NRXN3: variants seen among roughly 807,000 people sequenced by gnomAD.
NRXN3 encodes the protein neurexin 3, also known as neurexin III.
Under a neutral mutation model 137.6 loss-of-function variants are expected in NRXN3, and 32 were observed. The observed-to-expected ratio is 0.23, with a 90% CI of 0.18 to 0.31. The LOEUF is 0.31. Ranked by LOEUF, NRXN3 falls within the 10% of genes least tolerant of loss-of-function variation. The pLI is 1.00. For synonymous variants in NRXN3, 798 were observed against 784.5 expected, an observed-to-expected ratio of 1.02 and a Z score of -0.29; for missense variants, 1,574 against 2,062.5, an observed-to-expected ratio of 0.76 and a Z score of 4.59.
chr14:79,305,041 A>G (rs1012051054), intron 15 of NRXN3, among the ~76,000 whole-genome samples: 9 of 152,166 alleles, frequency 5.9e-5, no homozygotes, highest in African/African-American at 2.2e-4. Flanking sequence ...ACTGTCTGTG[A>G]TTGACTTCTG....
At chr14:79,475,463 T>A (rs753664004) in intron 16 of NRXN3, among the ~76,000 whole-genome samples, 2 of 152,052 alleles carry the variant, frequency 1.3e-5, no homozygotes, top group Non-Finnish European at 2.9e-5. Context: ...ATCATTCATT[T>A]TATATATATA....
chr14:78,993,834 A>ATTTTTTTTTT (rs58170856), intron 15 of NRXN3, among the ~76,000 whole-genome samples: 9 of 67,008 alleles, frequency 1.3e-4, no homozygotes, highest in Non-Finnish European at 2.5e-4. Flanking sequence ...GAGCCTTGAA[A>ATTTTTTTTTT]TTTTTTTTTT....
intron 15 of NRXN3, among the ~76,000 whole-genome samples, chr14:79,435,621 C>CACACAG (rs1009343336): frequency 1.3e-5 from 2 of 151,730 alleles, no homozygotes; most frequent in African/African-American, 4.8e-5. Flanking sequence ...CACACACACA[C>CACACAG]ACACACACAT....
At chr14:79,601,852 A>G (rs1280486015) in intron 16 of NRXN3, among the ~76,000 whole-genome samples, 2 of 152,200 alleles carry the variant, frequency 1.3e-5, no homozygotes, top group Admixed American at 1.3e-4. Flanking sequence ...TCTCTGTCTA[A>G]GAGACAGAAG....
chr14:79,407,028 C>G (rs977690386), intron 15 of NRXN3, among the ~76,000 whole-genome samples: 3 of 152,098 alleles, frequency 2.0e-5, no homozygotes, highest in Non-Finnish European at 4.4e-5. Flanking sequence ...TGAATGTAGA[C>G]GATCAGGGAT....
At chr14:79,495,232 C>T (rs566353302) in intron 16 of NRXN3, among the ~76,000 whole-genome samples, 15 of 152,244 alleles carry the variant, frequency 9.9e-5, no homozygotes, top group East Asian at 1.9e-4. Flanking sequence ...CAACTGAGAT[C>T]GCTCCCACTA....
At chr14:79,581,559 T>A (rs529465049) in intron 16 of NRXN3, among the ~76,000 whole-genome samples, 2 of 152,210 alleles carry the variant, frequency 1.3e-5, no homozygotes, top group Non-Finnish European at 2.9e-5. Context: ...CAATGCCCCA[T>A]TGGATTTGTT....
intron 19 of NRXN3, among the ~76,000 whole-genome samples, chr14:79,726,609 G>T (rs1419981175): frequency 6.6e-6 from 1 of 152,086 alleles, no homozygotes; most frequent in Non-Finnish European, 1.5e-5. Context: ...GCTTCCCCCA[G>T]TAGAGTGCTT....
chr14:79,562,504 T>C (rs1398155325), intron 16 of NRXN3, among the ~76,000 whole-genome samples: 1 of 152,182 alleles, frequency 6.6e-6, no homozygotes, highest in African/African-American at 2.4e-5. Flanking sequence ...CTGCCTGGTA[T>C]GCAAATCAGC....
chr14:78,613,514 G>C (rs1313920908), intron 4 of NRXN3, among the ~76,000 whole-genome samples: 1 of 149,460 alleles, frequency 6.7e-6, no homozygotes, highest in African/African-American at 2.5e-5. Context: ...TGAATCTCAA[G>C]TTAGCCAGAG....
chr14:78,806,254 C>G (rs958111871), intron 9 of NRXN3, among the ~76,000 whole-genome samples: 1 of 152,136 alleles, frequency 6.6e-6, no homozygotes, highest in African/African-American at 2.4e-5. Flanking sequence ...TCCAACCTGA[C>G]ATGGAAAACT....
rs1222724163 is a variant in NRXN3, at chr14:78,926,845, A to T, written c.2276-30397A>T. Among the ~76,000 whole-genome samples the T allele has an allele frequency of 2.5e-3, 54 of 21,582 alleles. 3 individuals carry two copies. The highest frequency in any genetic ancestry group is 3.0e-3 in the Non-Finnish European group (46 of 15,220). The allele number at this position is 21,582 out of a possible 152,430, so 14.2% of individuals were successfully genotyped here. A position where few individuals can be genotyped will look rare whatever the true frequency, so the allele number is the denominator to read the frequency against. On this transcript the variant is annotated intron_variant, in intron 10 of 20. Coordinates refer to ENST00000335750, the MANE Select transcript of NRXN3 (RefSeq NM_001330195.2). ...TTATATATAATTTATATAAATATAT[A>T]ATATATTATATATATAATATATATA...
chr14:78,879,396 CTA>C (rs2099122107), intron 10 of NRXN3, among the ~76,000 whole-genome samples: 1 of 151,196 alleles, frequency 6.6e-6, no homozygotes. Flanking sequence ...AACAACTAAT[CTA>C]TAGTAATAGC....
intron 16 of NRXN3, among the ~76,000 whole-genome samples, chr14:79,637,832 C>A (rs189399578): frequency 2.0e-5 from 3 of 149,414 alleles, no homozygotes; most frequent in African/African-American, 7.5e-5. Flanking sequence ...TGGGTTCAAG[C>A]GATTCTCCTG....
chr14:79,735,226 T>C (rs2098937817), intron 19 of NRXN3, among the ~76,000 whole-genome samples: 1 of 152,208 alleles, frequency 6.6e-6, no homozygotes, highest in Non-Finnish European at 1.5e-5. Flanking sequence ...AAGGCAAAAG[T>C]AAAATCTATT....
chr14:79,166,459 AC>A (rs1478718665), intron 15 of NRXN3, among the ~76,000 whole-genome samples: 3 of 150,542 alleles, frequency 2.0e-5, no homozygotes, highest in Non-Finnish European at 3.0e-5. Context: ...AGAAATGATG[AC>A]CTTGATATTT....
At chr14:78,173,114 G>A (rs1364517046) in intron 1 of NRXN3, among the ~76,000 whole-genome samples, 1 of 152,072 alleles carries the variant, frequency 6.6e-6, no homozygotes, top group African/African-American at 2.4e-5. Context: ...GGTGGTAGGG[G>A]ATGAGAGAAT....
intron 15 of NRXN3, among the ~76,000 whole-genome samples, chr14:79,138,107 G>A (rs1209235288): frequency 6.6e-6 from 1 of 152,120 alleles, no homozygotes; most frequent in African/African-American, 2.4e-5. Context: ...TCTTTGAATA[G>A]GACATGGGAA....
rs1409087391 is a variant in NRXN3, at chr14:79,867,195, C to T, written c.*5231C>T. On this transcript the variant is annotated 3_prime_UTR_variant, in exon 21 of 21. Coordinates refer to ENST00000335750, the MANE Select transcript of NRXN3 (RefSeq NM_001330195.2). ...TGTGGTTCCAAATTTAGAGCTCTTT[C>T]ATAAACCTGTCTCTAGAGAAGCAAG... 1 of 152,132 alleles carries T rather than the reference C, an allele frequency of 6.6e-6. No homozygotes were observed. Among genetic ancestry groups the T allele is most frequent in the South Asian group, 2.1e-4 (1 of 4,824 alleles). 9.4% of individuals were successfully genotyped at this position (152,132 alleles called of 1,614,324 possible).
Sources: allele counts gnomAD v4.1 joint callset (sites outside exome capture counted in the v4.1 genomes callset), GRCh38; gene constraint gnomAD v4.1.1; transcripts MANE v1.5; gene names NCBI Gene and HGNC (gene_info 2026-07-23, HGNC 2026-07-21).